AFDN: variants seen among roughly 807,000 people sequenced by gnomAD.
AFDN encodes the protein afadin, adherens junction formation factor.
Under a neutral mutation model 216.6 loss-of-function variants are expected in AFDN, and 68 were observed. The observed-to-expected ratio is 0.31, with a 90% CI of 0.26 to 0.38. AFDN has a LOEUF of 0.38. AFDN is among the 10% of genes least tolerant of loss of function. The pLI is 1.00. For synonymous variants in AFDN, 868 were observed against 853.7 expected, an observed-to-expected ratio of 1.02 and a Z score of -0.29; for missense variants, 2,136 against 2,342.0, an observed-to-expected ratio of 0.91 and a Z score of 1.82.
At chr6:167,834,457 GTTTTTTTTTTTT>G (rs11446838) in intron 1 of AFDN, among the ~76,000 whole-genome samples, 2 of 75,256 alleles carry the variant, frequency 2.7e-5, no homozygotes, top group Non-Finnish European at 4.7e-5. Flanking sequence ...TGTTGTTTCG[GTTTTTTTTTTTT>G]TTTTTTTTTT....
At chr6:167,887,849 A>G (rs2128325055) in intron 6 of AFDN, among the ~76,000 whole-genome samples, 1 of 152,280 alleles carries the variant, frequency 6.6e-6, no homozygotes, top group Admixed American at 6.5e-5. Context: ...TCCTTGTTAG[A>G]TATTATCCTG....
chr6:167,870,101 C>T (rs1335656953), intron 2 of AFDN, among the ~76,000 whole-genome samples: 1 of 152,128 alleles, frequency 6.6e-6, no homozygotes, highest in African/African-American at 2.4e-5. Flanking sequence ...ACCATGTATA[C>T]TTTTTTTCTT....
intron 23 of AFDN, among the ~76,000 whole-genome samples, chr6:167,927,757 C>T (rs916834524): frequency 6.6e-6 from 1 of 152,202 alleles, no homozygotes; most frequent in Non-Finnish European, 1.5e-5. Context: ...TCTGCTTACT[C>T]CTGGTAAGGG....
intron 1 of AFDN, among the ~76,000 whole-genome samples, chr6:167,837,053 A>G (rs1780521772): frequency 6.6e-6 from 1 of 152,204 alleles, no homozygotes; most frequent in African/African-American, 2.4e-5. Flanking sequence ...AAACTTGCTG[A>G]TTTTAATTTA....
chr6:167,954,592 CT>C, intron 30 of AFDN: 1 of 997,908 alleles, frequency 1.0e-6, no homozygotes, highest in Admixed American at 2.6e-5. Flanking sequence ...TCCAGTTCTC[CT>C]TAGGGGTGTC....
intron 22 of AFDN, among the ~76,000 whole-genome samples, chr6:167,923,550 T>C (rs1792092166): frequency 6.6e-6 from 1 of 152,112 alleles, no homozygotes; most frequent in African/African-American, 2.4e-5. Flanking sequence ...ATTGAATTAA[T>C]TGATGATCGT....
Position 167,924,988 on chromosome 6 carries a change from T to C in AFDN, c.3013-17T>C. On this transcript the variant is annotated splice_polypyrimidine_tract_variant and intron_variant, in intron 22 of 33. Transcript: ENST00000683244. ...TCCATTTCAGTCATAAAATAAACCT[T>C]TGTTTTCATCCTTTAGGCTCAGCCT... 6.3e-7 allele frequency: 1 copy of C among 1,584,178 alleles called. No individual in the cohort carries two copies. The highest frequency in any genetic ancestry group is 1.3e-5 in the African/African-American group (1 of 74,406).
chr6:167,869,898 A>G (rs918265321), intron 2 of AFDN, among the ~76,000 whole-genome samples: 24 of 152,258 alleles, frequency 1.6e-4, no homozygotes, highest in Admixed American at 1.6e-3. Flanking sequence ...GCACAGAGAC[A>G]GGAAGAATAG....
intron 1 of AFDN, among the ~76,000 whole-genome samples, chr6:167,837,947 T>C (rs1780631155): frequency 6.6e-6 from 1 of 152,220 alleles, no homozygotes; most frequent in Non-Finnish European, 1.5e-5. Context: ...TCTTCTGTTT[T>C]ATTTGGATCA....
intron 15 of AFDN, 57 bp from the exon 16 acceptor site, chr6:167,913,346 G>A (rs1041066465): frequency 2.0e-6 from 3 of 1,506,068 alleles, no homozygotes; most frequent in Non-Finnish European, 2.7e-6. Context: ...TATCATGATT[G>A]TTTACAAGTT....
At chr6:167,892,128 C>G (rs1267491695) in intron 8 of AFDN, among the ~76,000 whole-genome samples, 1 of 152,118 alleles carries the variant, frequency 6.6e-6, no homozygotes, top group East Asian at 1.9e-4. Flanking sequence ...CATTTTGATG[C>G]CACAGTTAGT....
chr6:167,841,755 A>T (rs1339601869), intron 1 of AFDN, among the ~76,000 whole-genome samples: 2 of 149,428 alleles, frequency 1.3e-5, no homozygotes, highest in Non-Finnish European at 1.5e-5. Flanking sequence ...TATGTTGCTA[A>T]TTTTTTTTTT....
intron 7 of AFDN, among the ~76,000 whole-genome samples, chr6:167,890,421 C>T (rs908992408): frequency 3.3e-5 from 5 of 152,164 alleles, no homozygotes; most frequent in Non-Finnish European, 4.4e-5. Context: ...TATTTGGTTA[C>T]ATGAATAAAT....
chr6:167,890,926 C>G lies in AFDN; in HGVS notation c.1074C>G (p.His358Gln). 2 of 1,614,102 alleles carry G rather than the reference C, an allele frequency of 1.2e-6. No individual in the cohort carries two copies. Among genetic ancestry groups the G allele is most frequent in the Non-Finnish European group, 1.7e-6 (2 of 1,179,996 alleles). The change falls in exon 8 of 34, where the codon CAC becomes CAG. Residue 358 changes from histidine (H) to glutamine (Q), a missense_variant. Around this residue, in one of 8 missense-constraint regions of AFDN, gnomAD observed 817 missense variants for 965.7 expected, o/e 0.85. Transcript: ENST00000683244. ...ACATCCCAAAGAAAACCAAGAAACA[C>G]TTGGAAGGCAAGACACCCAAGGGAA... Reference protein sequence around the residue: ...PDHIPKKTKKHLEGKTPKGKE... With the variant: ...PDHIPKKTKKQLEGKTPKGKE...
In AFDN at chr6:167,870,367, A is replaced by G. The variant is rs768968890; in HGVS notation, c.302-19A>G. On this transcript the variant is annotated intron_variant, in intron 2 of 33. Transcript: ENST00000683244. Reference sequence around the variant, plus strand: ...ATAACCATAGCTTATTCTTTTTTTCATTTCATGTTTTGAAGAAGAAAGAAG... The same window carrying G: ...ATAACCATAGCTTATTCTTTTTTTCGTTTCATGTTTTGAAGAAGAAAGAAG... 11 of 1,474,872 alleles carry G rather than the reference A, an allele frequency of 7.5e-6. No individual in the cohort carries two copies. The African/African-American group carries it at 1.3e-4, about 17-fold the overall frequency. 91.4% of individuals were successfully genotyped at this position (1,474,872 alleles called of 1,614,324 possible).
chr6:167,959,190 C>T (rs1796808311), intron 30 of AFDN, among the ~76,000 whole-genome samples: 1 of 152,220 alleles, frequency 6.6e-6, no homozygotes, highest in East Asian at 1.9e-4. Flanking sequence ...AGCTCTAGAT[C>T]TTACAACTTC....
In AFDN at chr6:167,971,445, A is replaced by C. The variant is rs1798018585; in HGVS notation, c.*1510A>C. Reference sequence around the variant, plus strand: ...AGTGTAAATATTTTTTTTTACCTCTATCAGGGTTTTTATTTGAAAGTGTGC... The same window carrying C: ...AGTGTAAATATTTTTTTTTACCTCTCTCAGGGTTTTTATTTGAAAGTGTGC... On this transcript the variant is annotated 3_prime_UTR_variant, in exon 34 of 34. Transcript: ENST00000683244. The C allele has an allele frequency of 5.1e-6, 1 of 196,716 alleles. No homozygotes were observed. Among genetic ancestry groups the C allele is most frequent in the African/African-American group, 2.3e-5 (1 of 43,334 alleles). 12.2% of individuals were successfully genotyped at this position (196,716 alleles called of 1,614,324 possible).
intron 26 of AFDN, among the ~76,000 whole-genome samples, chr6:167,944,281 G>A (rs1199519053): frequency 6.6e-6 from 1 of 152,126 alleles, no homozygotes; most frequent in Non-Finnish European, 1.5e-5. Flanking sequence ...GTCACCAGGA[G>A]CCATTTAACT....
At chr6:167,918,008 G>GGT (rs1791317537) in intron 20 of AFDN, among the ~76,000 whole-genome samples, 1 of 152,184 alleles carries the variant, frequency 6.6e-6, no homozygotes, top group Admixed American at 6.5e-5. Flanking sequence ...ATCACACTCT[G>GGT]GTGATAGAAG....
Sources: gnomAD v4.1 joint callset for allele counts (sites outside exome capture counted in the v4.1 genomes callset) on GRCh38, gnomAD v4.1.1 for gene constraint, gnomAD v4.1.1 regional missense constraint, MANE v1.5 for transcripts, NCBI Gene and HGNC (gene_info 2026-07-23, HGNC 2026-07-21) for gene names.